The following NCAM2 variants were observed in gnomAD, a reference collection of about 807,000 sequenced individuals.
The protein encoded by NCAM2 is N-CAM-2.
Under a neutral mutation model 98.1 loss-of-function variants are expected in NCAM2, and 30 were observed. The ratio of observed to expected loss-of-function variants is 0.31; its 90% CI spans 0.23 to 0.41. The LOEUF (loss-of-function observed/expected upper bound fraction) is 0.41, where lower values mean the gene tolerates loss of function less well. Among genes scored for constraint, NCAM2 ranks in the 10% least tolerant of loss-of-function variants. NCAM2 has a pLI of 1.00. For synonymous variants in NCAM2, 368 were observed against 342.4 expected, an observed-to-expected ratio of 1.07 and a Z score of -0.83; for missense variants, 867 against 1,005.8, an observed-to-expected ratio of 0.86 and a Z score of 1.87.
At chr21:21,482,086 A>G (rs1985939793) in intron 15 of NCAM2, among the ~76,000 whole-genome samples, 1 of 152,088 alleles carries the variant, frequency 6.6e-6, no homozygotes, top group African/African-American at 2.4e-5. Context: ...TGACAGAGCA[A>G]GACTCCATCT....
At chr21:21,221,439 A>G (rs2070150733) in intron 1 of NCAM2, among the ~76,000 whole-genome samples, 1 of 135,404 alleles carries the variant, frequency 7.4e-6, no homozygotes, top group Admixed American at 7.9e-5. Flanking sequence ...CAGTTAGCCA[A>G]GTTGGTAATT....
intron 8 of NCAM2, among the ~76,000 whole-genome samples, chr21:21,367,190 T>G (rs773432409): frequency 6.6e-6 from 1 of 152,036 alleles, no homozygotes; most frequent in Non-Finnish European, 1.5e-5. Flanking sequence ...TTTTACAAGA[T>G]GTACATTTTA....
At chr21:21,310,840 C>T (rs2074026501) in intron 5 of NCAM2, among the ~76,000 whole-genome samples, 1 of 152,100 alleles carries the variant, frequency 6.6e-6, no homozygotes, top group Non-Finnish European at 1.5e-5. Context: ...CTCTTTCAAC[C>T]TCTAAACTCT....
At chr21:21,083,423 CTTT>C (rs201441950) in intron 1 of NCAM2, among the ~76,000 whole-genome samples, 3 of 134,910 alleles carry the variant, frequency 2.2e-5, no homozygotes, top group Admixed American at 1.5e-4. Context: ...TATAAATCAT[CTTT>C]TTTTTTTTTT....
intron 1 of NCAM2, among the ~76,000 whole-genome samples, chr21:21,044,869 G>A (rs917440101): frequency 3.9e-5 from 6 of 152,112 alleles, no homozygotes; most frequent in Non-Finnish European, 7.3e-5. Flanking sequence ...GGAGGCTGAG[G>A]TAAGGAGGAT....
chr21:21,330,709 AT>A (rs75993475), intron 6 of NCAM2, among the ~76,000 whole-genome samples: 2,831 of 152,024 alleles, frequency 0.019, 93 homozygotes, highest in East Asian at 0.15. Flanking sequence ...TTTGCTTCAT[AT>A]TTTTTGAAGC....
At chr21:21,008,430 A>C (rs2064149289) in intron 1 of NCAM2, among the ~76,000 whole-genome samples, 2 of 152,222 alleles carry the variant, frequency 1.3e-5, no homozygotes, top group Admixed American at 1.3e-4. Flanking sequence ...AAACACTTAT[A>C]GTCCATTTTA....
chr21:21,480,210 C>CA (rs1470432359), intron 15 of NCAM2, among the ~76,000 whole-genome samples: 6 of 151,434 alleles, frequency 4.0e-5, no homozygotes, highest in South Asian at 2.1e-4. Flanking sequence ...ACTAAAAATA[C>CA]AAAAAAATTA....
chr21:21,125,796 G>A (rs2066808896), intron 1 of NCAM2, among the ~76,000 whole-genome samples: 1 of 148,598 alleles, frequency 6.7e-6, no homozygotes, highest in Non-Finnish European at 1.5e-5. Context: ...TTTCAAAATT[G>A]TTAAAATTGA....
chr21:21,347,066 G>A (rs975479107), intron 8 of NCAM2, among the ~76,000 whole-genome samples: 3 of 151,522 alleles, frequency 2.0e-5, no homozygotes, highest in African/African-American at 4.8e-5. Context: ...AAATACAAAA[G>A]GCCAATGAAA....
At chr21:21,254,920 G>A (rs556540199) in intron 1 of NCAM2, among the ~76,000 whole-genome samples, 1 of 146,136 alleles carries the variant, frequency 6.8e-6, no homozygotes, top group Non-Finnish European at 1.5e-5. Flanking sequence ...GTGTGTGTGT[G>A]TGTGTATGTG....
intron 1 of NCAM2, among the ~76,000 whole-genome samples, chr21:21,083,796 A>G (rs2065857229): frequency 6.6e-6 from 1 of 152,154 alleles, no homozygotes; most frequent in African/African-American, 2.4e-5. Flanking sequence ...ATGTTTTTAT[A>G]TACTTTGCCC....
intron 5 of NCAM2, among the ~76,000 whole-genome samples, chr21:21,295,253 T>C (rs1000569594): frequency 9.4e-3 from 1 of 106 alleles, no homozygotes; most frequent in African/African-American, 0.033. Context: ...CATACTCTTT[T>C]GTTCACCAAT....
At chr21:21,253,136 A>G (rs888634290) in intron 1 of NCAM2, among the ~76,000 whole-genome samples, 1 of 152,080 alleles carries the variant, frequency 6.6e-6, no homozygotes, top group Non-Finnish European at 1.5e-5. Flanking sequence ...TATTACTGTT[A>G]TCCTTCTTTT....
chr21:21,356,922 G>GGAGGTTGCAGGAGCCAAGATCGCGCCA (rs2075499052), intron 8 of NCAM2, among the ~76,000 whole-genome samples: 1 of 151,996 alleles, frequency 6.6e-6, no homozygotes, highest in Non-Finnish European at 1.5e-5. Context: ...TCCCGGAGGC[G>GGAGGTTGCAGGAGCCAAGATCGCGCCA]GAGGTTGCAG....
At position 21,227,118 on chromosome 21, in the gene NCAM2, T is replaced by C. The variant is rs556301981; in HGVS notation, c.56-53460T>C. Among the ~76,000 whole-genome samples, 12 of 152,062 alleles carry C rather than the reference T, an allele frequency of 7.9e-5. No homozygotes were observed. The South Asian group carries it at 1.2e-3, about 16-fold the overall frequency. On this transcript the variant is annotated intron_variant, in intron 1 of 17. Transcript: ENST00000400546. ...ACAATGTTACTGCAAACAAATATTC[T>C]GTTGAACATAGAATTAAAGATACTA...
intron 1 of NCAM2, among the ~76,000 whole-genome samples, chr21:21,261,663 A>G (rs2071905032): frequency 6.6e-6 from 1 of 152,174 alleles, no homozygotes; most frequent in South Asian, 2.1e-4. Context: ...TTTGAAACAA[A>G]TGAAAATAGA....
At chr21:21,382,911 A>C (rs1054066079) in intron 9 of NCAM2, among the ~76,000 whole-genome samples, 1 of 151,824 alleles carries the variant, frequency 6.6e-6, no homozygotes, top group African/African-American at 2.4e-5. Context: ...GAGAAGTCCT[A>C]TAGTTTCATC....
intron 1 of NCAM2, among the ~76,000 whole-genome samples, chr21:21,000,935 C>T (rs574374524): frequency 6.6e-6 from 1 of 152,186 alleles, no homozygotes; most frequent in Non-Finnish European, 1.5e-5. Context: ...TGTTTATTCT[C>T]TTGTAAAGAG....
Sources: allele counts gnomAD v4.1 joint callset (sites outside exome capture counted in the v4.1 genomes callset), GRCh38; gene constraint gnomAD v4.1.1; transcripts MANE v1.5; gene names NCBI Gene and HGNC (gene_info 2026-07-23, HGNC 2026-07-21).